The following SNX13 variants were observed in gnomAD, a reference collection of about 807,000 sequenced individuals.
The protein encoded by SNX13 is sorting nexin 13, also known as sorting nexin-13.
Under a neutral mutation model 133.6 loss-of-function variants are expected in SNX13, and 45 were observed. The ratio of observed to expected loss-of-function variants is 0.34; its 90% confidence interval spans 0.27 to 0.43. SNX13 has a LOEUF of 0.43. Ranked by LOEUF, SNX13 falls within the 20% of genes least tolerant of loss-of-function variation. SNX13 has a pLI of 1.00. For synonymous variants in SNX13, 414 were observed against 373.9 expected, an observed-to-expected ratio of 1.11 and a Z score of -1.24; for missense variants, 1,032 against 1,145.1, an observed-to-expected ratio of 0.90 and a Z score of 1.43.
chr7:17,888,545 G>A (rs1036476328), intron 5 of SNX13: 1 of 359,776 alleles, frequency 2.8e-6, no homozygotes, highest in African/African-American at 2.2e-5. Flanking sequence ...GATAACATTA[G>A]ACTAACCACT....
chr7:17,834,914 G>C, intron 13 of SNX13, 49 bp from the exon 14 acceptor site: 1 of 1,026,284 alleles, frequency 9.7e-7, no homozygotes, highest in Middle Eastern at 2.3e-4. Context: ...CTTAATACAA[G>C]ATGATACTTG....
chr7:17,920,875 A>G (rs1800052822), intron 1 of SNX13, among the ~76,000 whole-genome samples: 1 of 152,192 alleles, frequency 6.6e-6, no homozygotes, highest in Non-Finnish European at 1.5e-5. Context: ...GAACTGGACA[A>G]TTTAAAGTGT....
At chr7:17,911,067 T>C (rs183870176) in intron 1 of SNX13, among the ~76,000 whole-genome samples, 3 of 152,240 alleles carry the variant, frequency 2.0e-5, no homozygotes, top group African/African-American at 7.2e-5. Flanking sequence ...CTTCCAAACG[T>C]TAAAAAACAA....
At chr7:17,885,313 A>AAT (rs59721679) in intron 5 of SNX13, among the ~76,000 whole-genome samples, 1 of 151,178 alleles carries the variant, frequency 6.6e-6, no homozygotes, top group African/African-American at 2.4e-5. Context: ...AAAAAAAAAA[A>AAT]GATTAGTGGT....
chr7:17,877,076 A>G (rs532597390), intron 5 of SNX13, among the ~76,000 whole-genome samples: 4 of 150,616 alleles, frequency 2.7e-5, no homozygotes, highest in Admixed American at 6.6e-5. Context: ...AAAGCCTTAA[A>G]GAGTCAGTAT....
At chr7:17,861,145 A>G (rs1215819743) in intron 9 of SNX13, among the ~76,000 whole-genome samples, 2 of 152,124 alleles carry the variant, frequency 1.3e-5, no homozygotes, top group African/African-American at 2.4e-5. Context: ...CCTCTGGAGT[A>G]GCTAGGACCA....
chr7:17,921,433 C>T (rs2128036386), intron 1 of SNX13, among the ~76,000 whole-genome samples: 1 of 152,258 alleles, frequency 6.6e-6, no homozygotes, highest in African/African-American at 2.4e-5. Flanking sequence ...TCACTCTGTT[C>T]CAAAGTCAAA....
intron 9 of SNX13, among the ~76,000 whole-genome samples, chr7:17,861,342 T>TCACACACA (rs59119505): frequency 9.1e-5 from 13 of 143,242 alleles, no homozygotes; most frequent in African/African-American, 2.9e-4. Context: ...TACAGTTATC[T>TCACACACA]CACACACACA....
At position 17,816,392 on chromosome 7, in the gene SNX13, T is replaced by C. The variant is rs1184632451; in HGVS notation, c.1846-103A>G. 2.9e-6 allele frequency: 4 copies of C among 1,360,042 alleles called. No individual in the cohort carries two copies. The East Asian group carries it at 8.7e-5, about 30-fold the overall frequency. 84.2% of individuals were successfully genotyped at this position (1,360,042 alleles called of 1,614,324 possible). On this transcript the variant is annotated intron_variant, in intron 18 of 25. Transcript: ENST00000428135. ...AAAAACATCTTCAGGCCAGGTGCGG[T>C]GGCTCACGCCTGTAATCCCAGCACT...
At chr7:17,929,266 C>T (rs1801127389) in intron 1 of SNX13, among the ~76,000 whole-genome samples, 1 of 151,994 alleles carries the variant, frequency 6.6e-6, no homozygotes, top group Non-Finnish European at 1.5e-5. Flanking sequence ...CCATAAAGGA[C>T]CTTAATGGCA....
intron 5 of SNX13, chr7:17,882,963 A>G: frequency 4.5e-6 from 2 of 444,174 alleles, no homozygotes; most frequent in Non-Finnish European, 3.7e-6. Flanking sequence ...AAACAAAAAC[A>G]AAAACAAAAA....
intron 9 of SNX13, among the ~76,000 whole-genome samples, chr7:17,865,436 T>C (rs572792650): frequency 6.6e-6 from 1 of 152,120 alleles, no homozygotes; most frequent in Non-Finnish European, 1.5e-5. Flanking sequence ...AAGTAAAAGA[T>C]GTCTACAAGG....
chr7:17,870,226 T>C (rs909749162), intron 8 of SNX13, among the ~76,000 whole-genome samples: 4 of 152,142 alleles, frequency 2.6e-5, no homozygotes, highest in South Asian at 2.1e-4. Context: ...GAATAAAACA[T>C]AGTAACGGCA....
intron 1 of SNX13, among the ~76,000 whole-genome samples, chr7:17,923,604 G>A (rs958858273): frequency 1.3e-5 from 2 of 152,112 alleles, no homozygotes; most frequent in African/African-American, 2.4e-5. Flanking sequence ...TGTGCTGAGA[G>A]AAAAAATAAC....
intron 5 of SNX13, chr7:17,880,267 T>C (rs974637377): frequency 2.6e-5 from 4 of 152,224 alleles, no homozygotes; most frequent in African/African-American, 7.2e-5. Context: ...TCAAATTTCA[T>C]AGCTGCCTTT....
At chr7:17,869,871 C>T (rs929845799) in intron 8 of SNX13, among the ~76,000 whole-genome samples, 2 of 116,800 alleles carry the variant, frequency 1.7e-5, no homozygotes, top group African/African-American at 7.6e-5. Flanking sequence ...TTTACTCACA[C>T]ACACACAGAC....
At position 17,940,317 on chromosome 7, in the gene SNX13, G is replaced by T; in HGVS notation, c.-22C>A. The stretch of plus-strand genomic sequence containing the variant: ...ACATTATTACACCCCGGGGAAGTGA[G>T]GTCCTCCCTAGCCTCGCCTCATGGC... On this transcript the variant is annotated 5_prime_UTR_variant, in exon 1 of 26. Coordinates refer to ENST00000428135, the MANE Select transcript of SNX13 (RefSeq NM_015132.5). The T allele has an allele frequency of 1.9e-6, 3 of 1,564,564 alleles. No individual in the cohort carries two copies. Among genetic ancestry groups the T allele is most frequent in the Non-Finnish European group, 2.6e-6 (3 of 1,154,608 alleles).
intron 20 of SNX13, among the ~76,000 whole-genome samples, chr7:17,814,501 T>G (rs1365977110): frequency 2.0e-5 from 3 of 152,142 alleles, no homozygotes; most frequent in Non-Finnish European, 4.4e-5. Flanking sequence ...ATTTTTATCA[T>G]TATTCCAAGT....
intron 8 of SNX13, among the ~76,000 whole-genome samples, chr7:17,871,096 C>A (rs1794054992): frequency 6.6e-6 from 1 of 151,858 alleles, no homozygotes; most frequent in Admixed American, 6.6e-5. Context: ...AGCTCCGCCT[C>A]CCGGGTTCAT....
Sources: gnomAD v4.1 joint callset for allele counts (sites outside exome capture counted in the v4.1 genomes callset) on GRCh38, gnomAD v4.1.1 for gene constraint, MANE v1.5 for transcripts, NCBI Gene and HGNC (gene_info 2026-07-23, HGNC 2026-07-21) for gene names.